Variants in MECOM observed in about 807,000 individuals in gnomAD.
MECOM encodes the protein MDS1 and EVI1 complex locus, also known as histone-lysine N-methyltransferase MECOM.
MECOM carries 13 observed loss-of-function variants against 116.3 expected under a neutral mutation model. That is an observed-to-expected ratio of 0.11 (90% CI 0.07 to 0.18). MECOM has a LOEUF of 0.18. MECOM is among the 10% of genes least tolerant of loss of function. MECOM has a pLI of 1.00. For missense variants in MECOM, 1,299 were observed against 1,509.0 expected (o/e 0.86, Z 2.31); for synonymous variants, 528 against 535.2 (o/e 0.99, Z 0.19).
At chr3:169,419,281 G>T (rs1371342230) in intron 1 of MECOM, among the ~76,000 whole-genome samples, 1 of 152,180 alleles carries the variant, frequency 6.6e-6, no homozygotes, top group Non-Finnish European at 1.5e-5. Flanking sequence ...CGTGCTCATG[G>T]ATAGGAAGAA....
chr3:169,653,689 A>C (rs1376358434), intron 1 of MECOM, among the ~76,000 whole-genome samples: 1 of 152,218 alleles, frequency 6.6e-6, no homozygotes, highest in Non-Finnish European at 1.5e-5. Flanking sequence ...GACAAGCCTG[A>C]AAAGTCAATA....
chr3:169,150,817 A>T (rs1047620395), intron 2 of MECOM, among the ~76,000 whole-genome samples: 3 of 152,194 alleles, frequency 2.0e-5, no homozygotes, highest in Non-Finnish European at 4.4e-5. Flanking sequence ...TAGGAGTTGT[A>T]AAGATCCCCC....
At chr3:169,467,083 C>A (rs112358422) in intron 1 of MECOM, 28 of 152,250 alleles carry the variant, frequency 1.8e-4, no homozygotes, top group African/African-American at 6.7e-4. Flanking sequence ...TTCAAGATAT[C>A]GTGAAAACAA....
At chr3:169,531,442 T>C (rs114634230) in intron 1 of MECOM, among the ~76,000 whole-genome samples, 76 of 152,300 alleles carry the variant, frequency 5.0e-4, no homozygotes, top group African/African-American at 1.8e-3. Context: ...TTTCAAGATA[T>C]CTTTTTCCAC....
intron 1 of MECOM, among the ~76,000 whole-genome samples, chr3:169,616,959 C>G (rs1054038789): frequency 6.6e-6 from 1 of 152,218 alleles, no homozygotes; most frequent in Non-Finnish European, 1.5e-5. Flanking sequence ...TATAGAATAG[C>G]TTAAAGTTAA....
chr3:169,559,152 A>G (rs367819964), intron 1 of MECOM, among the ~76,000 whole-genome samples: 4 of 152,178 alleles, frequency 2.6e-5, no homozygotes, highest in African/African-American at 9.7e-5. Flanking sequence ...AAGACATTGT[A>G]TTGTCAAAGC....
At chr3:169,145,292 A>T in intron 2 of MECOM, 1 of 403,500 alleles carries the variant, frequency 2.5e-6, no homozygotes, top group Non-Finnish European at 4.4e-6. Flanking sequence ...AAATTCTAAA[A>T]ATTTGTTATC....
chr3:169,523,959 TAC>T (rs1757667982), intron 1 of MECOM, among the ~76,000 whole-genome samples: 1 of 148,154 alleles, frequency 6.7e-6, no homozygotes, highest in Non-Finnish European at 1.5e-5. Context: ...TGTGTATATA[TAC>T]ACACATATAT....
At chr3:169,498,608 A>G (rs1343724030) in intron 1 of MECOM, among the ~76,000 whole-genome samples, 3 of 152,210 alleles carry the variant, frequency 2.0e-5, no homozygotes, top group Non-Finnish European at 4.4e-5. Context: ...TTCTATCCAC[A>G]CTATCACAAG....
intron 1 of MECOM, among the ~76,000 whole-genome samples, chr3:169,630,714 G>A (rs1042240268): frequency 6.6e-6 from 1 of 152,114 alleles, no homozygotes; most frequent in Non-Finnish European, 1.5e-5. Flanking sequence ...GAACTACAAG[G>A]CTGTTTGTTT....
At chr3:169,443,347 G>T (rs888449555) in intron 1 of MECOM, among the ~76,000 whole-genome samples, 1 of 151,964 alleles carries the variant, frequency 6.6e-6, no homozygotes, top group East Asian at 1.9e-4. Context: ...TGTTTAAGGC[G>T]CTGCACTACT....
intron 1 of MECOM, among the ~76,000 whole-genome samples, chr3:169,404,833 C>A (rs540277856): frequency 8.1e-4 from 123 of 152,270 alleles, no homozygotes; most frequent in African/African-American, 2.8e-3. Context: ...TTATTCTAAT[C>A]GAGCCCCCAG....
At chr3:169,092,400 A>G (rs1226992287) in intron 14 of MECOM, among the ~76,000 whole-genome samples, 5 of 151,948 alleles carry the variant, frequency 3.3e-5, no homozygotes, top group African/African-American at 1.2e-4. Flanking sequence ...GCATACATAC[A>G]TATGTACTAT....
At chr3:169,490,507 T>C (rs1578249922) in intron 1 of MECOM, among the ~76,000 whole-genome samples, 1 of 152,232 alleles carries the variant, frequency 6.6e-6, no homozygotes, top group Non-Finnish European at 1.5e-5. Context: ...GAATATCATA[T>C]GACAGTTAAA....
At chr3:169,251,345 A>T (rs1025384) in intron 2 of MECOM, among the ~76,000 whole-genome samples, 6,295 of 152,236 alleles carry the variant, frequency 0.041, 163 homozygotes, top group African/African-American at 0.067. Context: ...CTTGATTTTC[A>T]AGGTTTTATA....
chr3:169,221,346 G>T (rs1297672008), intron 2 of MECOM, among the ~76,000 whole-genome samples: 4 of 152,010 alleles, frequency 2.6e-5, no homozygotes, highest in Non-Finnish European at 5.9e-5. Flanking sequence ...TAAATACTTC[G>T]GTAACATTTT....
In MECOM at chr3:169,084,626, A is replaced by G; in HGVS notation, c.*283T>C. 1 of 349,536 alleles carries G rather than the reference A, an allele frequency of 2.9e-6. No homozygotes were observed. The allele number at this position is 349,536 out of a possible 1,614,324, so 21.7% of individuals were successfully genotyped here. A position where few individuals can be genotyped will look rare whatever the true frequency, so the allele number is the denominator to read the frequency against. On this transcript the variant is annotated 3_prime_UTR_variant, in exon 17 of 17. Transcript: ENST00000651503. The stretch of plus-strand genomic sequence containing the variant: ...GTGGGGTAAACTGGAAGATGCCTTC[A>G]GCCCACCAAGTTTTTTGTTTTCACT...
intron 1 of MECOM, among the ~76,000 whole-genome samples, chr3:169,659,396 T>C (rs1775954438): frequency 1.4e-5 from 2 of 144,586 alleles, no homozygotes; most frequent in African/African-American, 5.2e-5. Flanking sequence ...GTGCTGGAGA[T>C]GAGGGAAGAA....
At chr3:169,520,144 G>T (rs1406599529) in intron 1 of MECOM, among the ~76,000 whole-genome samples, 2 of 152,192 alleles carry the variant, frequency 1.3e-5, no homozygotes, top group South Asian at 2.1e-4. Context: ...GAAAGCAAAA[G>T]AACAAGATAG....
Sources: gnomAD v4.1 joint callset for allele counts (sites outside exome capture counted in the v4.1 genomes callset) on GRCh38, gnomAD v4.1.1 for gene constraint, MANE v1.5 for transcripts, NCBI Gene and HGNC (gene_info 2026-07-23, HGNC 2026-07-21) for gene names.